Variants in MYO3A observed in about 807,000 individuals in gnomAD.
MYO3A encodes the protein myosin-IIIa.
Under a neutral mutation model 192.7 loss-of-function variants are expected in MYO3A, and 180 were observed. The observed-to-expected ratio is 0.93, with a 90% CI of 0.83 to 1.06. The LOEUF is 1.06. Ranked by LOEUF, MYO3A falls within the 50% of genes least tolerant of loss-of-function variation. The probability of loss-of-function intolerance (pLI) is 0.00; values close to 1 mark genes in which losing one functional copy is unlikely to be tolerated. For missense variants in MYO3A, 1,896 were observed against 1,905.0 expected (o/e 1.00, Z 0.09); for synonymous variants, 628 against 645.3 (o/e 0.97, Z 0.41).
intron 10 of MYO3A, among the ~76,000 whole-genome samples, chr10:26,028,854 G>A (rs754770691): frequency 2.0e-5 from 3 of 152,088 alleles, no homozygotes; most frequent in Non-Finnish European, 4.4e-5. Flanking sequence ...GTCCACACTT[G>A]GCTTGCCTCA....
Position 26,137,923 on chromosome 10 carries a change from A to G in MYO3A, c.2263-5525A>G, listed in dbSNP as rs1839943694. Among the ~76,000 whole-genome samples, 3 of 152,190 alleles carry G rather than the reference A, an allele frequency of 2.0e-5. No homozygotes were observed. In the South Asian group the frequency reaches 6.2e-4, roughly 32 times the overall value. ...TCTCAAACCCTGTTTTCTGTTGTTT[A>G]AGATGTTTATCAAGACAATATGTGC... On this transcript the variant is annotated intron_variant, in intron 20 of 34. Coordinates refer to ENST00000642920, the MANE Select transcript of MYO3A (RefSeq NM_017433.5).
At chr10:26,107,663 G>T (rs1837905261) in intron 17 of MYO3A, among the ~76,000 whole-genome samples, 2 of 151,892 alleles carry the variant, frequency 1.3e-5, no homozygotes, top group African/African-American at 4.8e-5. Context: ...TTATGCCATA[G>T]ATTTTCATGC....
intron 15 of MYO3A, among the ~76,000 whole-genome samples, chr10:26,093,279 G>C (rs927052840): frequency 5.9e-4 from 90 of 152,202 alleles, no homozygotes; most frequent in Admixed American, 3.1e-3. Context: ...CAATGTACAT[G>C]AGTGAAGTGC....
At chr10:26,204,591 C>T (rs1184561571) in intron 34 of MYO3A, 2 of 152,172 alleles carry the variant, frequency 1.3e-5, no homozygotes, top group Non-Finnish European at 2.9e-5. Context: ...TATTATTGCC[C>T]CATTTTATAG....
chr10:26,132,788 G>T (rs1264115663), intron 20 of MYO3A, among the ~76,000 whole-genome samples: 2 of 152,056 alleles, frequency 1.3e-5, no homozygotes, highest in African/African-American at 2.4e-5. Flanking sequence ...TTAGAAGCAG[G>T]AAACTATTAC....
intron 20 of MYO3A, among the ~76,000 whole-genome samples, chr10:26,136,597 G>A (rs527688182): frequency 2.0e-5 from 3 of 152,358 alleles, no homozygotes; most frequent in East Asian, 3.9e-4. Flanking sequence ...ATGAGGTGGT[G>A]TGTCAGAGGG....
intron 6 of MYO3A, among the ~76,000 whole-genome samples, chr10:26,001,379 AG>A (rs201949950): frequency 0.022 from 3,354 of 150,592 alleles, 127 homozygotes; most frequent in African/African-American, 0.075. Flanking sequence ...TCAGAAGATA[AG>A]GGGGGTGGGT....
chr10:26,157,913 G>T (rs1227812190), intron 26 of MYO3A, among the ~76,000 whole-genome samples: 1 of 152,100 alleles, frequency 6.6e-6, no homozygotes, highest in Admixed American at 6.6e-5. Flanking sequence ...TGTGGTGTAG[G>T]GGCGTGGGGG....
rs751405357 is a variant in MYO3A, at chr10:26,157,285, A to G, written c.2794-25A>G. On this transcript the variant is annotated intron_variant, in intron 25 of 34. Transcript: ENST00000642920. ...TACGTTTTTGTATGCTACATTGGGAAATTTATTTTTGTTGTGTATTATAGT... is the reference window on the plus strand; with the variant it reads ...TACGTTTTTGTATGCTACATTGGGAGATTTATTTTTGTTGTGTATTATAGT... 9 of 1,607,592 alleles carry G rather than the reference A, an allele frequency of 5.6e-6. No homozygotes were observed. The Admixed American group carries it at 1.3e-4, about 24-fold the overall frequency.
chr10:26,185,592 G>A (rs548702321), intron 31 of MYO3A, among the ~76,000 whole-genome samples: 13 of 151,688 alleles, frequency 8.6e-5, no homozygotes, highest in African/African-American at 2.9e-4. Context: ...CACCCGCCTC[G>A]GCCTCCCAAA....
chr10:26,176,614 T>C, intron 30 of MYO3A, 87 bp from the exon 31 acceptor site: 1 of 1,229,866 alleles, frequency 8.1e-7, no homozygotes, highest in Non-Finnish European at 1.2e-6. Context: ...CCAAGAGTGC[T>C]GGTAAGGCGT....
intron 10 of MYO3A, among the ~76,000 whole-genome samples, chr10:26,029,294 A>G (rs1007700142): frequency 5.9e-5 from 9 of 151,404 alleles, no homozygotes; most frequent in African/African-American, 2.2e-4. Flanking sequence ...ATGAGAATTC[A>G]TGATGTACTC....
chr10:26,150,584 A>G (rs1840737233), intron 23 of MYO3A, among the ~76,000 whole-genome samples: 1 of 152,208 alleles, frequency 6.6e-6, no homozygotes, highest in Non-Finnish European at 1.5e-5. Context: ...TTTCATCTAC[A>G]TAGTCAAATT....
chr10:26,130,469 C>G (rs1300893173), intron 20 of MYO3A, among the ~76,000 whole-genome samples: 3 of 152,238 alleles, frequency 2.0e-5, no homozygotes, highest in Middle Eastern at 3.4e-3. Context: ...GCTCTTAATT[C>G]TTTTGTCTAA....
chr10:26,202,731 G>A, intron 33 of MYO3A: 1 of 458,260 alleles, frequency 2.2e-6, no homozygotes. Context: ...AATAGAACCA[G>A]GAAAATGTGT....
intron 25 of MYO3A, among the ~76,000 whole-genome samples, chr10:26,155,296 G>C (rs1841047798): frequency 6.6e-6 from 1 of 152,176 alleles, no homozygotes; most frequent in Non-Finnish European, 1.5e-5. Flanking sequence ...AGAGTCATCA[G>C]GAAGATGCGG....
At chr10:26,203,154 C>G in intron 34 of MYO3A, 47 bp downstream of exon 34, 1 of 1,576,004 alleles carries the variant, frequency 6.3e-7, no homozygotes, top group Admixed American at 1.7e-5. Flanking sequence ...TTTATACTCA[C>G]AATTTCATTT....
intron 10 of MYO3A, among the ~76,000 whole-genome samples, chr10:26,059,952 T>C (rs555764684): frequency 3.9e-4 from 59 of 152,270 alleles, no homozygotes; most frequent in African/African-American, 1.3e-3. Flanking sequence ...TGAAACCTCA[T>C]CTCTACTAAA....
intron 10 of MYO3A, among the ~76,000 whole-genome samples, chr10:26,043,149 GTCTCTCTCTCTCTC>G (rs59621862): frequency 7.7e-5 from 11 of 143,274 alleles, no homozygotes; most frequent in Admixed American, 7.0e-5. Flanking sequence ...GCCAAACAGA[GTCTCTCTCTCTCTC>G]TCTCTCTCTC....
Sources: allele counts gnomAD v4.1 joint callset (sites outside exome capture counted in the v4.1 genomes callset), GRCh38; gene constraint gnomAD v4.1.1; transcripts MANE v1.5; gene names NCBI Gene and HGNC (gene_info 2026-07-23, HGNC 2026-07-21).